COL4A1: variants seen among roughly 807,000 people sequenced by gnomAD.
COL4A1 encodes the protein collagen alpha-1(IV) chain.
Under a neutral mutation model 216.6 loss-of-function variants are expected in COL4A1, and 40 were observed. The observed-to-expected ratio is 0.18, with a 90% CI of 0.14 to 0.24. The LOEUF (loss-of-function observed/expected upper bound fraction) is 0.24. Among genes scored for constraint, COL4A1 ranks in the 10% least tolerant of loss-of-function variants. COL4A1 has a pLI of 1.00. For synonymous variants in COL4A1, 839 were observed against 810.7 expected (o/e 1.03, Z -0.59); for missense variants, 1,628 against 2,196.8 (o/e 0.74, Z 5.18).
At chr13:110,214,630 C>T (rs890724704) in intron 2 of COL4A1, among the ~76,000 whole-genome samples, 3 of 152,140 alleles carry the variant, frequency 2.0e-5, no homozygotes, top group African/African-American at 7.2e-5. Context: ...GAGCTGGGCA[C>T]CCATCTTCTC....
chr13:110,222,840 TACTATTAA>T (rs918494442), intron 2 of COL4A1, among the ~76,000 whole-genome samples: 5 of 151,086 alleles, frequency 3.3e-5, no homozygotes, highest in Non-Finnish European at 5.9e-5. Flanking sequence ...AGTAATATAT[TACTATTAA>T]AATATTAAAT....
chr13:110,238,765 G>C (rs1380165553), intron 2 of COL4A1, among the ~76,000 whole-genome samples: 1 of 152,172 alleles, frequency 6.6e-6, no homozygotes, highest in African/African-American at 2.4e-5. Context: ...TTATTTGAAA[G>C]AGGTCTTGTG....
intron 2 of COL4A1, among the ~76,000 whole-genome samples, chr13:110,219,702 ATATACATATGTGTATATATATGTGTG>A (rs1880304132): frequency 4.3e-5 from 5 of 115,932 alleles, no homozygotes; most frequent in South Asian, 2.6e-4. Flanking sequence ...ATATATATGT[ATATACATATGTGTATATATATGTGTG>A]TATATATATG....
chr13:110,201,500 C>T lies in COL4A1; in HGVS notation c.1022G>A (p.Gly341Glu). The change falls in exon 19 of 52, where the codon GGA becomes GAA. Residue 341 changes from glycine to glutamate, a missense_variant. Gly to Glu is a moderately conservative substitution (Grantham distance 98). Around this residue, in one of 8 missense-constraint regions of COL4A1, gnomAD observed 701 missense variants for 892.5 expected, o/e 0.79. Transcript: ENST00000375820. ...AGGGTAGCCCCTCTCTCCTTTTTCT[C>T]CCAAAGGTCCTGTGCCTATAACCTG... ...PGIVIGTGPL[G>E]EKGERGYPGT... 1 of 1,614,102 alleles carries T rather than the reference C, an allele frequency of 6.2e-7. No homozygotes were observed. Among genetic ancestry groups the T allele is most frequent in the Non-Finnish European group, 8.5e-7 (1 of 1,180,010 alleles).
intron 2 of COL4A1, among the ~76,000 whole-genome samples, chr13:110,219,029 AG>A (rs1300727008): frequency 1.3e-5 from 2 of 152,212 alleles, no homozygotes; most frequent in African/African-American, 4.8e-5. Context: ...AGACATCTGC[AG>A]GACCATTTCC....
intron 2 of COL4A1, among the ~76,000 whole-genome samples, chr13:110,235,658 C>A (rs199878134): frequency 0.014 from 1,864 of 129,046 alleles, no homozygotes; most frequent in Admixed American, 0.017. Flanking sequence ...GACTCTGTCT[C>A]AAAAAAAAAA....
At chr13:110,161,453 C>T in intron 48 of COL4A1, 84 bp from the exon 49 acceptor site, 1 of 1,396,590 alleles carries the variant, frequency 7.2e-7, no homozygotes, top group Non-Finnish European at 9.8e-7. Context: ...AGCTGGACAA[C>T]AAGCAAAAAC....
chr13:110,159,622 A>T (rs1211402440), intron 49 of COL4A1, among the ~76,000 whole-genome samples: 1 of 152,246 alleles, frequency 6.6e-6, no homozygotes, highest in African/African-American at 2.4e-5. Context: ...AACAATTAAA[A>T]GCAGGCTCTC....
rs2139246748 is a variant in COL4A1 at position 110,243,395 on chromosome 13, G to A, written c.85-661C>T. Among the ~76,000 whole-genome samples the A allele has an allele frequency of 1.3e-5, 2 of 151,946 alleles. 1 individual carries two copies. The highest frequency in any genetic ancestry group is 4.2e-4 in the South Asian group (2 of 4,810). On this transcript the variant is annotated intron_variant, in intron 1 of 51. Coordinates refer to ENST00000375820, the MANE Select transcript of COL4A1 (RefSeq NM_001845.6). ...TGCAATGGCGTGATCTTGGCACACT[G>A]CAACCTCCACCTCTCCAGTTCAAGT...
rs1487216157 is a variant in COL4A1, at chr13:110,164,955, C to T, written c.4057G>A (p.Asp1353Asn). 12 of 1,604,700 alleles carry T rather than the reference C, an allele frequency of 7.5e-6. 2 individuals carry two copies. Among genetic ancestry groups the T allele is most frequent in the South Asian group, 2.2e-5 (2 of 89,104 alleles). Residue 1353 changes from aspartate (D) to asparagine (N), a missense_variant, in exon 46 of 52, where the codon GAC becomes AAC. Asp to Asn is a conservative substitution (Grantham distance 23, BLOSUM62 1). Transcript: ENST00000375820. ...AGCCCGGGCTCCCCTTTGATGATGTCGTAAGGACCTGGGGGGCCAGGAGGA... is the reference window on the plus strand; with the variant it reads ...AGCCCGGGCTCCCCTTTGATGATGTTGTAAGGACCTGGGGGGCCAGGAGGA... ...PGPPGPPGPY[D>N]IIKGEPGLPG...
chr13:110,252,655 A>AT lies in COL4A1; in HGVS notation c.85-9922dup, dbSNP rs1882177545. On this transcript the variant is annotated intron_variant, in intron 1 of 51. Coordinates refer to ENST00000375820, the MANE Select transcript of COL4A1 (RefSeq NM_001845.6). ...TTATATATACTTATATACAAAATGT[A>AT]TATATGTATATATACATATAATATG... Among the ~76,000 whole-genome samples the AT allele has an allele frequency of 3.3e-5, 2 of 60,862 alleles. 1 individual carries two copies. Among genetic ancestry groups the AT allele is most frequent in the Admixed American group, 4.1e-4 (2 of 4,866 alleles). The allele number at this position is 60,862 out of a possible 152,430, so 39.9% of individuals were successfully genotyped here. A position where few individuals can be genotyped will look rare whatever the true frequency, so the allele number is the denominator to read the frequency against.
intron 48 of COL4A1, chr13:110,161,893 G>T: frequency 7.8e-6 from 3 of 382,804 alleles, no homozygotes; most frequent in South Asian, 5.3e-5. Context: ...TGGTTAAGCC[G>T]CATCAATGCA....
At chr13:110,218,434 G>C (rs2139212934) in intron 2 of COL4A1, among the ~76,000 whole-genome samples, 1 of 152,140 alleles carries the variant, frequency 6.6e-6, no homozygotes, top group South Asian at 2.1e-4. Context: ...CCATGTGCTG[G>C]GTGCATCCAA....
At chr13:110,166,197 CA>C (rs1361104550) in intron 45 of COL4A1, 34 bp downstream of exon 45, 1 of 1,282,458 alleles carries the variant, frequency 7.8e-7, no homozygotes, top group East Asian at 2.3e-5. Context: ...CACAAAGCAC[CA>C]GTAAGGTGTC....
intron 22 of COL4A1, among the ~76,000 whole-genome samples, chr13:110,193,920 G>A (rs1345689091): frequency 1.3e-5 from 2 of 152,180 alleles, no homozygotes; most frequent in Non-Finnish European, 2.9e-5. Flanking sequence ...TCAGGTGGGT[G>A]GGGAGACAAG....
At chr13:110,199,998 A>G (rs879710153) in intron 20 of COL4A1, among the ~76,000 whole-genome samples, 14 of 152,190 alleles carry the variant, frequency 9.2e-5, no homozygotes, top group Admixed American at 2.0e-4. Context: ...GTCTGTTCCC[A>G]ATAAAGGAAA....
intron 49 of COL4A1, 102 bp downstream of exon 49, chr13:110,161,090 A>G: frequency 8.3e-7 from 1 of 1,207,898 alleles, no homozygotes; most frequent in South Asian, 1.3e-5. Context: ...CTAAATGGCA[A>G]TGGATTCAAC....
At chr13:110,244,441 G>A (rs1041040512) in intron 1 of COL4A1, among the ~76,000 whole-genome samples, 2 of 152,142 alleles carry the variant, frequency 1.3e-5, no homozygotes, top group African/African-American at 4.8e-5. Flanking sequence ...ATCAATCCAT[G>A]TGCACAGATT....
intron 1 of COL4A1, among the ~76,000 whole-genome samples, chr13:110,245,842 C>G (rs550234739): frequency 4.6e-5 from 7 of 152,170 alleles, no homozygotes; most frequent in African/African-American, 1.7e-4. Context: ...GTAGTTTTAC[C>G]CTGGGGACCA....
Sources: allele counts gnomAD v4.1 joint callset (sites outside exome capture counted in the v4.1 genomes callset), GRCh38; gene constraint gnomAD v4.1.1; regional missense constraint gnomAD v4.1.1; transcripts MANE v1.5; gene names NCBI Gene and HGNC (gene_info 2026-07-23, HGNC 2026-07-21).